TATDN3: variants seen among roughly 807,000 people sequenced by gnomAD.
The protein encoded by TATDN3 is deoxyribonuclease TATDN3.
A neutral mutation model predicts 40.1 loss-of-function variants in TATDN3; 29 were observed. The observed-to-expected ratio is 0.72, with a 90% confidence interval of 0.54 to 0.99. The LOEUF (loss-of-function observed/expected upper bound fraction) is 0.99, where lower values mean the gene tolerates loss of function less well. Among genes scored for constraint, TATDN3 ranks in the 50% least tolerant of loss-of-function variants. The pLI is 0.00. For missense variants in TATDN3, 309 were observed against 321.9 expected (o/e 0.96, Z 0.31); for synonymous variants, 105 against 117.0 (o/e 0.90, Z 0.66).
chr1:212,807,315 C>T (rs899939377), intron 7 of TATDN3, among the ~76,000 whole-genome samples: 3 of 151,992 alleles, frequency 2.0e-5, no homozygotes, highest in Admixed American at 1.3e-4. Context: ...TGCAGTGGTG[C>T]GATCACAGCT....
At chr1:212,806,952 TA>T (rs1231584307) in intron 7 of TATDN3, among the ~76,000 whole-genome samples, 22 of 142,904 alleles carry the variant, frequency 1.5e-4, no homozygotes, top group African/African-American at 5.5e-4. Context: ...TTTATTTATT[TA>T]TTTTTTTTGA....
In TATDN3 at chr1:212,791,992, G is replaced by A. The variant is rs1412330594; in HGVS notation, c.66+5G>A. 6.2e-7 allele frequency: 1 copy of A among 1,614,032 alleles called. No homozygotes were observed. The highest frequency in any genetic ancestry group is 2.2e-5 in the East Asian group (1 of 44,872). ...TCCGCCCCGGACTTTGACCGCGTATGTGAGGGCGATACGGGACCAGAGGGA... is the reference window on the plus strand; with the variant it reads ...TCCGCCCCGGACTTTGACCGCGTATATGAGGGCGATACGGGACCAGAGGGA... On this transcript the variant is annotated splice_donor_5th_base_variant and intron_variant, in intron 1 of 9. Transcript: ENST00000366974.
rs199925835 is a variant in TATDN3 at position 212,804,661 on chromosome 1, T to A, written c.487+10T>A. The A allele has an allele frequency of 1.1e-4, 180 of 1,611,168 alleles. 4 individuals carry two copies. The South Asian group carries it at 1.9e-3, about 17-fold the overall frequency. On this transcript the variant is annotated intron_variant, in intron 7 of 9. Transcript: ENST00000366974. ...CTTTTACAAGAGCAAGGTATTTCGT[T>A]TCCTGAGAAAAATAGGCCTAATGTT...
intron 1 of TATDN3, among the ~76,000 whole-genome samples, chr1:212,794,267 C>T (rs189763549): frequency 0.02 from 2,759 of 140,066 alleles, 92 homozygotes; most frequent in African/African-American, 0.072. Flanking sequence ...GGTGACAGAG[C>T]GAGACTCCAT....
At position 212,791,925 on chromosome 1, in the gene TATDN3, C is replaced by T. The variant is rs1235592138; in HGVS notation, c.4C>T (p.Arg2Ter). The change falls in exon 1 of 10, where the codon CGA becomes TGA. Residue 2 changes from arginine to a stop codon, truncating the protein, a stop_gained. Coordinates refer to ENST00000366974, the MANE Select transcript of TATDN3 (RefSeq NM_001042552.3). LOFTEE classifies it high-confidence loss of function. Reference sequence around the variant, plus strand: ...AAGCGGCAGCCGCCGGGGCGCAATGCGAGCGGCTGGCGTAGGCTTGGTGGA... The same window carrying T: ...AAGCGGCAGCCGCCGGGGCGCAATGTGAGCGGCTGGCGTAGGCTTGGTGGA... M[R>*]AAGVGLVDCH... is the part of the protein sequence containing the mutation. 1 of 1,613,586 alleles carries T rather than the reference C, an allele frequency of 6.2e-7. No individual in the cohort carries two copies. Among genetic ancestry groups the T allele is most frequent in the Non-Finnish European group, 8.5e-7 (1 of 1,179,866 alleles).
chr1:212,802,334 C>T (rs941804348), intron 4 of TATDN3, among the ~76,000 whole-genome samples: 70 of 152,206 alleles, frequency 4.6e-4, no homozygotes, highest in African/African-American at 1.6e-3. Context: ...ACAATGCAAT[C>T]GCAAAGCTCA....
chr1:212,793,384 T>A (rs1661489189), intron 1 of TATDN3, among the ~76,000 whole-genome samples: 1 of 152,074 alleles, frequency 6.6e-6, no homozygotes, highest in African/African-American at 2.4e-5. Context: ...GGCTAATTTT[T>A]TGTATTTTTA....
chr1:212,809,421 A>G (rs1330898765), intron 8 of TATDN3, among the ~76,000 whole-genome samples: 2 of 152,250 alleles, frequency 1.3e-5, no homozygotes, highest in Non-Finnish European at 1.5e-5. Flanking sequence ...GCAGTGGCTT[A>G]TGCCTGTAAT....
intron 3 of TATDN3, 108 bp downstream of exon 3, chr1:212,796,698 C>A: frequency 8.1e-6 from 6 of 736,800 alleles, no homozygotes; most frequent in South Asian, 2.5e-5. Context: ...GAGGAAAAAG[C>A]ATTTTAACAT....
At chr1:212,801,922 A>G (rs1235028930) in intron 4 of TATDN3, among the ~76,000 whole-genome samples, 1 of 152,076 alleles carries the variant, frequency 6.6e-6, no homozygotes, top group Non-Finnish European at 1.5e-5. Flanking sequence ...CTGTTCCTCT[A>G]TCATCTGCTT....
chr1:212,813,068 G>C (rs1349135656), intron 9 of TATDN3, among the ~76,000 whole-genome samples: 2 of 152,076 alleles, frequency 1.3e-5, no homozygotes, highest in Admixed American at 6.6e-5. Context: ...AACGTAACTA[G>C]CAGTATCTGG....
chr1:212,796,720 G>T, intron 3 of TATDN3, 130 bp downstream of exon 3: 1 of 605,858 alleles, frequency 1.7e-6, no homozygotes, highest in Non-Finnish European at 2.7e-6. Flanking sequence ...GCCCTAAAGA[G>T]ATTATTTTCT....
intron 8 of TATDN3, among the ~76,000 whole-genome samples, chr1:212,810,811 C>A (rs151179490): frequency 6.6e-6 from 1 of 152,080 alleles, no homozygotes; most frequent in Non-Finnish European, 1.5e-5. Context: ...TTGTCAATGT[C>A]GGCACATGAT....
At chr1:212,799,930 C>T (rs967881280) in intron 4 of TATDN3, among the ~76,000 whole-genome samples, 3 of 152,188 alleles carry the variant, frequency 2.0e-5, no homozygotes, top group Non-Finnish European at 4.4e-5. Flanking sequence ...AGAGTTAGCC[C>T]TATTTTATTC....
At chr1:212,812,183 C>T in intron 8 of TATDN3, 65 bp from the exon 9 acceptor site, 1 of 1,035,790 alleles carries the variant, frequency 9.7e-7, no homozygotes, top group Non-Finnish European at 1.4e-6. Context: ...ATTAGTATGT[C>T]AATTTAATGC....
Position 212,802,703 on chromosome 1 carries a change from T to C in TATDN3, c.261T>C (p.Asp87=), listed in dbSNP as rs767811172. The C allele has an allele frequency of 6.2e-7, 1 of 1,610,816 alleles. No homozygotes were observed. The highest frequency in any genetic ancestry group is 2.2e-5 in the East Asian group (1 of 44,834). ...PEDQRSVTLK[D]LDVALPIIEN... ...CAATTTTACTTTTTTTCTCCCAGGA[T>C]TTGGATGTAGCTTTGCCCATTATTG... The change falls in exon 5 of 10, where the codon GAT becomes GAC. Residue 87 remains aspartate (D), a splice_region_variant and synonymous_variant. Coordinates refer to ENST00000366974, the MANE Select transcript of TATDN3 (RefSeq NM_001042552.3).
intron 7 of TATDN3, among the ~76,000 whole-genome samples, chr1:212,806,509 T>A (rs1395780492): frequency 1.5e-4 from 22 of 144,628 alleles, no homozygotes; most frequent in Non-Finnish European, 4.4e-5. Flanking sequence ...TAGCTGGGAC[T>A]ATGGGCACAC....
At chr1:212,792,752 G>C (rs950826032) in intron 1 of TATDN3, among the ~76,000 whole-genome samples, 1 of 151,464 alleles carries the variant, frequency 6.6e-6, no homozygotes. Flanking sequence ...GGCCGAAGTG[G>C]GTGGATCGCT....
intron 1 of TATDN3, among the ~76,000 whole-genome samples, chr1:212,792,746 G>A (rs182195628): frequency 1.4e-3 from 207 of 151,940 alleles, no homozygotes; most frequent in African/African-American, 3.8e-3. Flanking sequence ...ATGAGAGGCC[G>A]AAGTGGGTGG....
Sources: allele counts gnomAD v4.1 joint callset (sites outside exome capture counted in the v4.1 genomes callset), GRCh38; gene constraint gnomAD v4.1.1; transcripts MANE v1.5; gene names NCBI Gene and HGNC (gene_info 2026-07-23, HGNC 2026-07-21).